ATP10B: variants seen among roughly 807,000 people sequenced by gnomAD.
ATP10B encodes ATPase phospholipid transporting 10B (putative), also known as phospholipid-transporting ATPase VB.
Under a neutral mutation model 141.2 loss-of-function variants are expected in ATP10B, and 122 were observed. The ratio of observed to expected loss-of-function variants is 0.86; its 90% CI spans 0.75 to 1.00. The LOEUF is 1.00. ATP10B is among the 50% of genes least tolerant of loss of function. The pLI is 0.00. For missense variants in ATP10B, 1,876 were observed against 1,825.3 expected (o/e 1.03, Z -0.51); for synonymous variants, 685 against 692.0 (o/e 0.99, Z 0.16).
intron 10 of ATP10B, among the ~76,000 whole-genome samples, chr5:160,639,755 C>A (rs1184777103): frequency 6.6e-6 from 1 of 152,090 alleles, no homozygotes. Context: ...CAGGATGATT[C>A]AAGTGCATTA....
intron 3 of ATP10B, among the ~76,000 whole-genome samples, chr5:160,709,398 G>A (rs546644326): frequency 3.9e-5 from 6 of 152,146 alleles, no homozygotes; most frequent in African/African-American, 1.2e-4. Flanking sequence ...ACACGAACAG[G>A]TTATTCACAG....
the ATP10B span, among the ~76,000 whole-genome samples, chr5:160,883,332 A>G: frequency 6.6e-6 from 1 of 152,172 alleles, no homozygotes; most frequent in Non-Finnish European, 1.5e-5. Flanking sequence ...TTATAGCAAA[A>G]AAGACCTGTG....
chr5:160,686,084 A>G lies in ATP10B; in HGVS notation c.465T>C (p.Tyr155=). The G allele has an allele frequency of 6.4e-7, 1 of 1,561,208 alleles. No individual in the cohort carries two copies. The highest frequency in any genetic ancestry group is 1.2e-5 in the South Asian group (1 of 83,642). ...ACAGGGATGGTTTTTCTTACCTTTCATAAATTCGAATGTTGGAGCAGTTTA... is the reference window on the plus strand; with the variant it reads ...ACAGGGATGGTTTTTCTTACCTTTCGTAAATTCGAATGTTGGAGCAGTTTA... ...KAINCSNIRI[Y]ERKEQTYVQK... The change falls in exon 6 of 26, where the codon TAT becomes TAC. Residue 155 remains tyrosine (Y), a synonymous_variant. Coordinates refer to ENST00000327245, the MANE Select transcript of ATP10B (RefSeq NM_025153.3).
intron 11 of ATP10B, among the ~76,000 whole-genome samples, chr5:160,635,069 G>A (rs569673475): frequency 6.6e-6 from 1 of 152,336 alleles, no homozygotes; most frequent in South Asian, 2.1e-4. Context: ...TCCTGGCTTT[G>A]AAGAACTTGC....
chr5:160,910,043 C>T, the ATP10B span, among the ~76,000 whole-genome samples: 40 of 152,262 alleles, frequency 2.6e-4, 1 homozygote, highest in East Asian at 6.6e-3. Context: ...AATATAGAGA[C>T]TCCTCATCAA....
intron 2 of ATP10B, among the ~76,000 whole-genome samples, chr5:160,756,083 C>T (rs1408438319): frequency 6.6e-6 from 1 of 151,460 alleles, no homozygotes; most frequent in East Asian, 1.9e-4. Flanking sequence ...CCCACAACTC[C>T]CCACCCCTGT....
chr5:160,916,719 A>T, the ATP10B span, among the ~76,000 whole-genome samples: 1 of 152,214 alleles, frequency 6.6e-6, no homozygotes, highest in Non-Finnish European at 1.5e-5. Flanking sequence ...CAGTTGGGCT[A>T]CAGAACCCAC....
At chr5:160,644,060 T>C (rs1760087384) in intron 9 of ATP10B, 78 bp downstream of exon 9, 2 of 1,185,620 alleles carry the variant, frequency 1.7e-6, no homozygotes, top group South Asian at 1.2e-5. Context: ...CAGTTGTTGG[T>C]TCCCATTGAC....
At chr5:160,688,546 C>G (rs1763900060) in intron 4 of ATP10B, among the ~76,000 whole-genome samples, 1 of 152,124 alleles carries the variant, frequency 6.6e-6, no homozygotes, top group Non-Finnish European at 1.5e-5. Flanking sequence ...GGGAGCTGTT[C>G]CTTCACCTTC....
At chr5:160,685,310 G>A (rs1056384640) in intron 6 of ATP10B, 1 of 577,144 alleles carries the variant, frequency 1.7e-6, no homozygotes, top group Non-Finnish European at 3.0e-6. Flanking sequence ...TCTTCTTTCA[G>A]AAGGATACTA....
intron 3 of ATP10B, among the ~76,000 whole-genome samples, chr5:160,702,539 C>A (rs879589198): frequency 1.3e-5 from 2 of 152,188 alleles, no homozygotes; most frequent in Non-Finnish European, 2.9e-5. Flanking sequence ...TTAATGCTTG[C>A]CTCTCCTGAC....
the ATP10B span, among the ~76,000 whole-genome samples, chr5:160,907,491 G>A: frequency 3.3e-5 from 5 of 152,036 alleles, no homozygotes; most frequent in Non-Finnish European, 5.9e-5. Context: ...AGGCTCTTGA[G>A]TGGGACTACA....
chr5:160,845,652 G>T (rs770034331), intron 1 of ATP10B, among the ~76,000 whole-genome samples: 3 of 152,116 alleles, frequency 2.0e-5, no homozygotes, highest in African/African-American at 7.2e-5. Flanking sequence ...ACCTGAAAGC[G>T]TAGAGCCCCC....
Sources: gnomAD v4.1 joint callset for allele counts (sites outside exome capture counted in the v4.1 genomes callset) on GRCh38, gnomAD v4.1.1 for gene constraint, MANE v1.5 for transcripts, NCBI Gene and HGNC (gene_info 2026-07-23, HGNC 2026-07-21) for gene names.